FUT8: variants seen among roughly 807,000 people sequenced by gnomAD.
FUT8 encodes the protein fucosyltransferase 8.
In FUT8, 29 loss-of-function variants were observed where a neutral mutation model predicts 71.3. That is an observed-to-expected ratio of 0.41 (90% confidence interval 0.30 to 0.55). The LOEUF (loss-of-function observed/expected upper bound fraction) is 0.55. FUT8 is among the 20% of genes least tolerant of loss of function. FUT8 has a pLI of 0.34. For synonymous variants in FUT8, 254 were observed against 239.3 expected, an observed-to-expected ratio of 1.06 and a Z score of -0.57; for missense variants, 544 against 702.1, an observed-to-expected ratio of 0.77 and a Z score of 2.55.
chr14:65,737,917 A>G (rs1278359109), intron 10 of FUT8, among the ~76,000 whole-genome samples: 1 of 152,242 alleles, frequency 6.6e-6, no homozygotes. Flanking sequence ...GGGCAAAACC[A>G]AAAACTACGT....
chr14:65,436,868 T>C (rs1247821283), intron 1 of FUT8, among the ~76,000 whole-genome samples: 2 of 152,330 alleles, frequency 1.3e-5, no homozygotes, highest in East Asian at 3.9e-4. Flanking sequence ...ATTTGAGTAC[T>C]ACCAAATGAT....
chr14:65,664,115 G>A (rs764079725), intron 6 of FUT8, among the ~76,000 whole-genome samples: 1 of 151,854 alleles, frequency 6.6e-6, no homozygotes, highest in Non-Finnish European at 1.5e-5. Flanking sequence ...AAGATATGAG[G>A]GACATTTTCT....
chr14:65,386,999 G>A, the FUT8 span, among the ~76,000 whole-genome samples: 5 of 151,628 alleles, frequency 3.3e-5, no homozygotes, highest in East Asian at 9.7e-4. Flanking sequence ...CTACCATCAC[G>A]CCCGGCTAAT....
rs1885208957 is a variant in FUT8 at position 65,550,191 on chromosome 14, G to T, written c.-227-11146G>T. Among the ~76,000 whole-genome samples the T allele has an allele frequency of 6.6e-6, 1 of 152,136 alleles. No individual in the cohort carries two copies. The highest frequency in any genetic ancestry group is 2.1e-4 in the South Asian group (1 of 4,830). On this transcript the variant is annotated intron_variant, in intron 2 of 10. Coordinates refer to ENST00000673929, the MANE Select transcript of FUT8 (RefSeq NM_001371533.1). The surrounding 1 kb of genome is among the most constrained non-coding windows in gnomAD (Gnocchi z 4.5). Reference sequence around the variant, plus strand: ...CTTCCTCTCATGGTAGAAGGCAAAGGGGGAGCCAGCGTATCACATGGTGAG... The same window carrying T: ...CTTCCTCTCATGGTAGAAGGCAAAGTGGGAGCCAGCGTATCACATGGTGAG...
At chr14:65,644,933 T>G (rs1403996224) in intron 6 of FUT8, among the ~76,000 whole-genome samples, 1 of 152,136 alleles carries the variant, frequency 6.6e-6, no homozygotes, top group African/African-American at 2.4e-5. Flanking sequence ...GGACAGCACT[T>G]CACTACTATG....
the FUT8 span, among the ~76,000 whole-genome samples, chr14:65,357,019 G>A: frequency 3.3e-5 from 5 of 152,130 alleles, no homozygotes; most frequent in South Asian, 2.1e-4. Flanking sequence ...GGAGCTTCTG[G>A]GTCTCATCTG....
intron 1 of FUT8, among the ~76,000 whole-genome samples, chr14:65,439,954 G>GTATATATATATATATATA (rs60534547): frequency 2.4e-4 from 18 of 74,966 alleles, no homozygotes; most frequent in Admixed American, 3.3e-4. Context: ...GTGTGTGTGT[G>GTATATATATATATATATA]TATATATATA....
intron 2 of FUT8, among the ~76,000 whole-genome samples, chr14:65,510,270 G>T (rs909881420): frequency 2.0e-5 from 3 of 152,104 alleles, no homozygotes; most frequent in African/African-American, 7.2e-5. Context: ...GTGTCCCAGG[G>T]ATAAATCTCA....
the FUT8 span, among the ~76,000 whole-genome samples, chr14:65,404,086 G>A: frequency 6.6e-6 from 1 of 151,900 alleles, no homozygotes; most frequent in South Asian, 2.1e-4. Context: ...GGCTGGTCTC[G>A]AACTCCTGAC....
chr14:65,593,424 A>T (rs552906280), intron 3 of FUT8, among the ~76,000 whole-genome samples: 1 of 152,348 alleles, frequency 6.6e-6, no homozygotes, highest in East Asian at 1.9e-4. Context: ...AAAATTTGTC[A>T]TGAACATTAT....
At chr14:65,416,509 G>A (rs543808423) in intron 1 of FUT8, among the ~76,000 whole-genome samples, 1 of 152,164 alleles carries the variant, frequency 6.6e-6, no homozygotes, top group East Asian at 1.9e-4. Context: ...ACTTTTCAAA[G>A]GAGATATCAA....
At chr14:65,402,369 TA>T in the FUT8 span, among the ~76,000 whole-genome samples, 1,157 of 143,316 alleles carry the variant, frequency 8.1e-3, 5 homozygotes, top group African/African-American at 0.021. Flanking sequence ...CCCAGCTAAT[TA>T]AAAAAAAAAA....
At chr14:65,519,206 T>G (rs1217116397) in intron 2 of FUT8, among the ~76,000 whole-genome samples, 1 of 152,128 alleles carries the variant, frequency 6.6e-6, no homozygotes, top group East Asian at 1.9e-4. Context: ...TAGGGACACG[T>G]TCATTCATTA....
At chr14:65,440,121 C>T (rs1319449970) in intron 1 of FUT8, among the ~76,000 whole-genome samples, 1 of 151,228 alleles carries the variant, frequency 6.6e-6, no homozygotes, top group East Asian at 1.9e-4. Flanking sequence ...ACAAATACTG[C>T]GTGGTCTCAC....
chr14:65,516,680 G>A (rs963108360), intron 2 of FUT8, among the ~76,000 whole-genome samples: 2 of 151,580 alleles, frequency 1.3e-5, no homozygotes, highest in African/African-American at 4.8e-5. Context: ...ATATTATTTG[G>A]GCAAATGATT....
chr14:65,736,269 T>A (rs1047383189), intron 10 of FUT8, among the ~76,000 whole-genome samples: 1 of 151,978 alleles, frequency 6.6e-6, no homozygotes, highest in Non-Finnish European at 1.5e-5. Context: ...GCTGCTATTA[T>A]TATATATATG....
chr14:65,419,511 C>T (rs1396473074), intron 1 of FUT8, among the ~76,000 whole-genome samples: 1 of 152,108 alleles, frequency 6.6e-6, no homozygotes, highest in East Asian at 1.9e-4. Flanking sequence ...TCAATTTCTC[C>T]AACACATGGA....
At chr14:65,533,286 C>T (rs931392152) in intron 2 of FUT8, among the ~76,000 whole-genome samples, 4 of 152,070 alleles carry the variant, frequency 2.6e-5, no homozygotes, top group African/African-American at 4.8e-5. Context: ...TTCCTGTCCA[C>T]GATCATGGAG....
the FUT8 span, among the ~76,000 whole-genome samples, chr14:65,404,709 G>A: frequency 2.0e-5 from 3 of 152,092 alleles, no homozygotes; most frequent in Admixed American, 6.5e-5. Context: ...TCTTGACCTC[G>A]TGATCTGCCT....
Sources: gnomAD v4.1 joint callset for allele counts (sites outside exome capture counted in the v4.1 genomes callset) on GRCh38, gnomAD v4.1.1 for gene constraint, Gnocchi (gnomAD v3.1) non-coding constraint, MANE v1.5 for transcripts, NCBI Gene and HGNC (gene_info 2026-07-23, HGNC 2026-07-21) for gene names.